The following THUMPD3 variants were observed in gnomAD, a reference collection of about 807,000 sequenced individuals.
The protein encoded by THUMPD3 is THUMP domain 3 tRNA guanosine methyltransferase.
Under a neutral mutation model 54.5 loss-of-function variants are expected in THUMPD3, and 44 were observed. That is an observed-to-expected ratio of 0.81 (90% CI 0.63 to 1.04). The LOEUF (loss-of-function observed/expected upper bound fraction) is 1.04, where lower values mean the gene tolerates loss of function less well. Ranked by LOEUF, THUMPD3 falls within the 50% of genes least tolerant of loss-of-function variation. THUMPD3 has a pLI of 0.00. For missense variants in THUMPD3, 604 were observed against 601.3 expected (o/e 1.00, Z -0.05); for synonymous variants, 196 against 201.4 (o/e 0.97, Z 0.23).
chr3:9,385,001 G>T lies in THUMPD3; in HGVS notation c.*313G>T. The T allele has an allele frequency of 4.0e-6, 1 of 249,274 alleles. No homozygotes were observed. The highest frequency in any genetic ancestry group is 8.0e-6 in the Non-Finnish European group (1 of 124,596). 15.4% of individuals were successfully genotyped at this position (249,274 alleles called of 1,614,324 possible). On this transcript the variant is annotated 3_prime_UTR_variant, in exon 10 of 10. Coordinates refer to ENST00000452837, the MANE Select transcript of THUMPD3 (RefSeq NM_001114092.2). The stretch of plus-strand genomic sequence containing the variant: ...CTAGAAATACAAAAATTAGCCAGGT[G>T]TGGTGGCGGGCGCCTGTAATCCCAA...
In THUMPD3 at chr3:9,375,142, C is replaced by T. The variant is rs546373176; in HGVS notation, c.938+496C>T. On this transcript the variant is annotated intron_variant, in intron 5 of 9. Transcript: ENST00000452837. ...AAAGTGCTGGGATTACAGGTGTAAGCCACCGCGCCCGGTTTTCTTGATTTT... is the reference window on the plus strand; with the variant it reads ...AAAGTGCTGGGATTACAGGTGTAAGTCACCGCGCCCGGTTTTCTTGATTTT... Among the ~76,000 whole-genome samples the T allele has an allele frequency of 1.9e-4, 29 of 152,286 alleles. 1 individual carries two copies. The South Asian group carries it at 5.8e-3, about 31-fold the overall frequency.
chr3:9,364,934 C>T, intron 1 of THUMPD3, 82 bp from the exon 2 acceptor site: 4 of 1,205,038 alleles, frequency 3.3e-6, no homozygotes, highest in Non-Finnish European at 4.6e-6. Context: ...CTTGTTCTTC[C>T]TGCCCTCCAG....
chr3:9,380,774 A>G (rs2032823618), intron 7 of THUMPD3, 156 bp downstream of exon 7: 1 of 455,344 alleles, frequency 2.2e-6, no homozygotes, highest in Non-Finnish European at 3.9e-6. Context: ...TTTATTGAAA[A>G]TAAGTTATAT....
intron 9 of THUMPD3, 81 bp downstream of exon 9, chr3:9,384,416 A>C: frequency 6.3e-7 from 1 of 1,595,900 alleles, no homozygotes; most frequent in Non-Finnish European, 8.5e-7. Flanking sequence ...TGTTTGGATA[A>C]GATTTGTTTT....
intron 8 of THUMPD3, among the ~76,000 whole-genome samples, chr3:9,383,639 T>C (rs2033096326): frequency 1.3e-5 from 2 of 152,146 alleles, no homozygotes; most frequent in African/African-American, 4.8e-5. Flanking sequence ...TTTTTTTTTT[T>C]TGGAGACAGA....
intron 5 of THUMPD3, among the ~76,000 whole-genome samples, chr3:9,377,472 C>T (rs1228837700): frequency 1.3e-5 from 2 of 152,122 alleles, no homozygotes. Flanking sequence ...CTTCTGGGTT[C>T]AAGCAATTCT....
intron 7 of THUMPD3, among the ~76,000 whole-genome samples, chr3:9,381,499 A>G (rs1044810223): frequency 2.0e-5 from 3 of 152,184 alleles, no homozygotes; most frequent in Non-Finnish European, 2.9e-5. Context: ...CTGCTGGTCT[A>G]TGTATCAACA....
chr3:9,366,874 T>C, intron 2 of THUMPD3, 34 bp from the exon 3 acceptor site: 1 of 1,574,278 alleles, frequency 6.4e-7, no homozygotes, highest in Non-Finnish European at 8.7e-7. Context: ...TTCAAAAGCT[T>C]TCTCAGAAAT....
intron 6 of THUMPD3, among the ~76,000 whole-genome samples, chr3:9,378,816 A>G (rs1378312840): frequency 1.3e-5 from 2 of 152,204 alleles, no homozygotes; most frequent in African/African-American, 4.8e-5. Context: ...CACAGTAAAA[A>G]CCCAGTCCTT....
chr3:9,365,789 A>G (rs1003180352), intron 2 of THUMPD3, among the ~76,000 whole-genome samples: 4 of 151,992 alleles, frequency 2.6e-5, no homozygotes, highest in African/African-American at 9.7e-5. Context: ...ACGGGGTTTC[A>G]CCATCCTGGC....
intron 3 of THUMPD3, among the ~76,000 whole-genome samples, chr3:9,367,471 T>C (rs1429607582): frequency 6.6e-6 from 1 of 152,228 alleles, no homozygotes; most frequent in Non-Finnish European, 1.5e-5. Context: ...GTATTTAGCA[T>C]CTGAATCCTA....
chr3:9,380,660 G>T (rs1166233290), intron 7 of THUMPD3, 42 bp downstream of exon 7: 11 of 1,429,982 alleles, frequency 7.7e-6, no homozygotes, highest in Non-Finnish European at 1.1e-5. Flanking sequence ...TAGAGTTAGA[G>T]AATCACTTTT....
Position 9,386,002 on chromosome 3 carries a change from G to C in THUMPD3, c.*1314G>C, listed in dbSNP as rs1047214516. ...ATTTTGGAGCCTCTGGCTGCAATCA[G>C]TATAGATTTTCAGTATCCTATTAGT... is the stretch of plus-strand genomic sequence containing the variant. On this transcript the variant is annotated 3_prime_UTR_variant, in exon 10 of 10. Transcript: ENST00000452837. 6.6e-6 allele frequency: 1 copy of C among 152,136 alleles called. No individual in the cohort carries two copies. Among genetic ancestry groups the C allele is most frequent in the African/African-American group, 2.4e-5 (1 of 41,414 alleles). 9.4% of individuals were successfully genotyped at this position (152,136 alleles called of 1,614,324 possible).
intron 3 of THUMPD3, among the ~76,000 whole-genome samples, chr3:9,367,212 C>G (rs374146648): frequency 6.6e-6 from 1 of 152,100 alleles, no homozygotes; most frequent in African/African-American, 2.4e-5. Context: ...GAAGAAAACA[C>G]CTTGTTTTAC....
In THUMPD3 at chr3:9,374,544, T is replaced by C. The variant is rs1184273352; in HGVS notation, c.836T>C (p.Val279Ala). The C allele has an allele frequency of 1.9e-6, 3 of 1,614,012 alleles. No homozygotes were observed. In the African/African-American group the frequency reaches 4.0e-5, roughly 22 times the overall value. ...EVLLNIHDNE[V>A]IVGIALTEES... ...CTTTTGAACATCCATGATAATGAAG[T>C]CATTGTGGGCATTGCATTGACTGAA... The change falls in exon 5 of 10, where the codon GTC (valine) becomes GCC (alanine). Residue 279 changes from valine to alanine, a missense_variant. Val to Ala is a moderately conservative substitution (Grantham distance 64, BLOSUM62 0). Coordinates refer to ENST00000452837, the MANE Select transcript of THUMPD3 (RefSeq NM_001114092.2).
chr3:9,372,089 C>G (rs1457168418), intron 4 of THUMPD3, among the ~76,000 whole-genome samples: 1 of 152,208 alleles, frequency 6.6e-6, no homozygotes, highest in African/African-American at 2.4e-5. Context: ...GTTGGCCAGG[C>G]TGGTCTCAAA....
At chr3:9,369,311 A>G (rs2936494) in intron 3 of THUMPD3, among the ~76,000 whole-genome samples, 2 of 147,546 alleles carry the variant, frequency 1.4e-5, no homozygotes, top group African/African-American at 5.0e-5. Flanking sequence ...CTCCGTCTCA[A>G]AAAAAAAAAA....
Position 9,384,785 on chromosome 3 carries a change from C to G in THUMPD3, c.*97C>G, listed in dbSNP as rs1271948798. 1 of 1,383,828 alleles carries G rather than the reference C, an allele frequency of 7.2e-7. No homozygotes were observed. The highest frequency in any genetic ancestry group is 1.9e-5 in the Admixed American group (1 of 51,712). The allele number at this position is 1,383,828 out of a possible 1,614,324, so 85.7% of individuals were successfully genotyped here. A position where few individuals can be genotyped will look rare whatever the true frequency, so the allele number is the denominator to read the frequency against. ...TATTAACAAAACTGCAGTCTGCACTCTTTAAACCTGTTTAAGGCTCTTCAT... is the reference window on the plus strand; with the variant it reads ...TATTAACAAAACTGCAGTCTGCACTGTTTAAACCTGTTTAAGGCTCTTCAT... On this transcript the variant is annotated 3_prime_UTR_variant, in exon 10 of 10. Transcript: ENST00000452837.
chr3:9,379,163 T>TA (rs2032687635), intron 6 of THUMPD3, among the ~76,000 whole-genome samples: 1 of 151,614 alleles, frequency 6.6e-6, no homozygotes, highest in Non-Finnish European at 1.5e-5. Flanking sequence ...TTAGAAGTGT[T>TA]ATGCTATAAA....
Sources: gnomAD v4.1 joint callset for allele counts (sites outside exome capture counted in the v4.1 genomes callset) on GRCh38, gnomAD v4.1.1 for gene constraint, MANE v1.5 for transcripts, NCBI Gene and HGNC (gene_info 2026-07-23, HGNC 2026-07-21) for gene names.